PRKCQ: variants seen among roughly 807,000 people sequenced by gnomAD.
The protein encoded by PRKCQ is protein kinase C theta.
Under a neutral mutation model 91.2 loss-of-function variants are expected in PRKCQ, and 41 were observed. That is an observed-to-expected ratio of 0.45 (90% CI 0.35 to 0.58). The LOEUF is 0.58. PRKCQ is among the 20% of genes least tolerant of loss of function. The pLI is 0.00. For synonymous variants in PRKCQ, 307 were observed against 316.9 expected, an observed-to-expected ratio of 0.97 and a Z score of 0.33; for missense variants, 673 against 896.5, an observed-to-expected ratio of 0.75 and a Z score of 3.18.
intron 16 of PRKCQ, among the ~76,000 whole-genome samples, chr10:6,439,108 T>C (rs1296672538): frequency 2.0e-5 from 3 of 152,164 alleles, no homozygotes; most frequent in African/African-American, 4.8e-5. Context: ...CTGTCTAGAG[T>C]CCAGATCTTT....
In PRKCQ at chr10:6,430,757, C is replaced by T; in HGVS notation, c.1965+53G>A. On this transcript the variant is annotated intron_variant, in intron 17 of 17. Coordinates refer to ENST00000263125, the MANE Select transcript of PRKCQ (RefSeq NM_006257.5). The surrounding 1 kb of genome is among the most constrained non-coding windows in gnomAD (Gnocchi z 4.7). ...GCGGTGACTTGGACAGGCAGACGGC[C>T]CTGAGCGGAGGGAGAGTGGCTGACA... The T allele has an allele frequency of 6.3e-7, 1 of 1,593,770 alleles. No homozygotes were observed. Among genetic ancestry groups the T allele is most frequent in the South Asian group, 1.2e-5 (1 of 86,896 alleles).
the PRKCQ span, among the ~76,000 whole-genome samples, chr10:6,413,537 G>GCACACACACA: frequency 2.8e-3 from 157 of 56,970 alleles, 28 homozygotes; most frequent in Non-Finnish European, 3.8e-3. Context: ...TGCCACTTGT[G>GCACACACACA]CACACACACA....
chr10:6,487,205 A>T (rs79492747), intron 8 of PRKCQ, among the ~76,000 whole-genome samples: 2 of 152,180 alleles, frequency 1.3e-5, no homozygotes, highest in East Asian at 3.9e-4. Context: ...AACTAAGTGG[A>T]TCTCACAGTC....
intron 11 of PRKCQ, among the ~76,000 whole-genome samples, chr10:6,481,552 T>C (rs1439263680): frequency 6.6e-6 from 1 of 152,226 alleles, no homozygotes; most frequent in Non-Finnish European, 1.5e-5. Flanking sequence ...AAAGAATTCC[T>C]GAATATCAGC....
chr10:6,551,937 A>G (rs767342991), intron 1 of PRKCQ, among the ~76,000 whole-genome samples: 1 of 152,210 alleles, frequency 6.6e-6, no homozygotes, highest in African/African-American at 2.4e-5. Flanking sequence ...ACTCCTACCA[A>G]CAGTGTATAA....
At chr10:6,459,757 TG>T (rs1247863110) in intron 14 of PRKCQ, among the ~76,000 whole-genome samples, 2 of 152,186 alleles carry the variant, frequency 1.3e-5, no homozygotes, top group African/African-American at 4.8e-5. Context: ...CACCAGAGGC[TG>T]GTAAATCGAG....
intron 1 of PRKCQ, among the ~76,000 whole-genome samples, chr10:6,559,091 T>C (rs755102873): frequency 1.3e-5 from 2 of 152,148 alleles, no homozygotes; most frequent in African/African-American, 2.4e-5. Flanking sequence ...ATTTCAGCAA[T>C]AGGCAATAAA....
At chr10:6,509,247 C>G (rs1017861833) in intron 3 of PRKCQ, among the ~76,000 whole-genome samples, 2 of 152,110 alleles carry the variant, frequency 1.3e-5, no homozygotes, top group African/African-American at 4.8e-5. Context: ...AAATCATATG[C>G]AACTTGAAGA....
intron 3 of PRKCQ, among the ~76,000 whole-genome samples, chr10:6,508,147 C>T (rs1349743385): frequency 6.6e-6 from 1 of 152,126 alleles, no homozygotes; most frequent in Non-Finnish European, 1.5e-5. Context: ...GAGGGCGGAA[C>T]AAAGTGTCAT....
At chr10:6,461,381 T>C (rs1342784901) in intron 14 of PRKCQ, among the ~76,000 whole-genome samples, 1 of 152,204 alleles carries the variant, frequency 6.6e-6, no homozygotes, top group Admixed American at 6.5e-5. Flanking sequence ...AAGAAAAATT[T>C]AAAAAAATTC....
downstream of PRKCQ, among the ~76,000 whole-genome samples, chr10:6,424,363 T>G (rs1018281431): frequency 4.6e-5 from 7 of 152,204 alleles, no homozygotes; most frequent in Admixed American, 6.5e-5. Context: ...GAGAGGGCAG[T>G]GCTGGTGGCT....
At chr10:6,452,346 C>G (rs1315440814) in intron 15 of PRKCQ, among the ~76,000 whole-genome samples, 5 of 151,962 alleles carry the variant, frequency 3.3e-5, no homozygotes, top group African/African-American at 1.2e-4. Context: ...AATAAAATAC[C>G]TAGGAATCCA....
intron 1 of PRKCQ, among the ~76,000 whole-genome samples, chr10:6,532,974 G>C (rs974082204): frequency 1.3e-5 from 2 of 151,980 alleles, no homozygotes; most frequent in African/African-American, 4.8e-5. Flanking sequence ...TAAGCTCTAT[G>C]ACTTCAAAAG....
At chr10:6,527,943 CAGA>C (rs1412011417) in intron 1 of PRKCQ, among the ~76,000 whole-genome samples, 1 of 152,208 alleles carries the variant, frequency 6.6e-6, no homozygotes, top group Non-Finnish European at 1.5e-5. Flanking sequence ...TTCCCAGGTA[CAGA>C]AGAAGGGCCA....
At position 6,479,140 on chromosome 10, in the gene PRKCQ, G is replaced by T; in HGVS notation, c.1205C>A (p.Thr402Asn). The T allele has an allele frequency of 6.2e-7, 1 of 1,614,106 alleles. No individual in the cohort carries two copies. The highest frequency in any genetic ancestry group is 8.5e-7 in the Non-Finnish European group (1 of 1,179,990). Reference protein sequence around the residue: ...GKVFLAEFKKTNQFFAIKALK... With the variant: ...GKVFLAEFKKNNQFFAIKALK... ...GGCCTTTATTGCGAAAAATTGATTGGTTTTCTTGAATTCTGCCAGGAAGAC... is the reference window on the plus strand; with the variant it reads ...GGCCTTTATTGCGAAAAATTGATTGTTTTTCTTGAATTCTGCCAGGAAGAC... The change falls in exon 12 of 18, where the codon ACC (threonine) becomes AAC (asparagine). Residue 402 changes from threonine (T) to asparagine (N), a missense_variant. Coordinates refer to ENST00000263125, the MANE Select transcript of PRKCQ (RefSeq NM_006257.5).
intron 15 of PRKCQ, among the ~76,000 whole-genome samples, chr10:6,454,374 C>T (rs61840395): frequency 0.087 from 13,229 of 151,892 alleles, 645 homozygotes; most frequent in Middle Eastern, 0.19. Context: ...GCAGTAAGGG[C>T]GAGAGGACCT....
At chr10:6,518,718 G>A (rs1407830801) in intron 1 of PRKCQ, among the ~76,000 whole-genome samples, 1 of 152,106 alleles carries the variant, frequency 6.6e-6, no homozygotes, top group Non-Finnish European at 1.5e-5. Context: ...CGACTCTGGA[G>A]GCTGAGGCAG....
At chr10:6,446,188 A>G (rs994620625) in intron 15 of PRKCQ, among the ~76,000 whole-genome samples, 7 of 152,040 alleles carry the variant, frequency 4.6e-5, no homozygotes, top group African/African-American at 7.2e-5. Flanking sequence ...ATAGGGGGTG[A>G]TGATTGGGCT....
rs114882578 is a variant in PRKCQ, at chr10:6,534,987, G to A, written c.-9-19843C>T. On this transcript the variant is annotated intron_variant, in intron 1 of 17. Transcript: ENST00000263125. ...GAAAATGTTTTTCATATATTTATTC[G>A]GTTTGAAGTCCTAACAATTTTGTGA... 8.6e-3 allele frequency among the ~76,000 whole-genome samples: 1,314 copies of A among 152,008 alleles called. 16 individuals are homozygous for A. Among genetic ancestry groups the A allele is most frequent in the African/African-American group, 0.03 (1,228 of 41,450 alleles).
Sources: allele counts gnomAD v4.1 joint callset (sites outside exome capture counted in the v4.1 genomes callset), GRCh38; gene constraint gnomAD v4.1.1; non-coding constraint Gnocchi (gnomAD v3.1); transcripts MANE v1.5; gene names NCBI Gene and HGNC (gene_info 2026-07-23, HGNC 2026-07-21).